The following PIK3C2G variants were observed in gnomAD, a reference collection of about 807,000 sequenced individuals.
The protein encoded by PIK3C2G is phosphatidylinositol 3-kinase C2 domain-containing subunit gamma.
A neutral mutation model predicts 181.1 loss-of-function variants in PIK3C2G; 168 were observed. The ratio of observed to expected loss-of-function variants is 0.93; its 90% confidence interval spans 0.82 to 1.05. The LOEUF is 1.05. Ranked by LOEUF, PIK3C2G falls within the 50% of genes least tolerant of loss-of-function variation. PIK3C2G has a pLI of 0.00. For missense variants in PIK3C2G, 1,869 were observed against 1,732.8 expected, an observed-to-expected ratio of 1.08 and a Z score of -1.40; for synonymous variants, 573 against 592.2, an observed-to-expected ratio of 0.97 and a Z score of 0.47.
At chr12:18,444,496 T>C (rs2135847731) in intron 18 of PIK3C2G, among the ~76,000 whole-genome samples, 1 of 152,296 alleles carries the variant, frequency 6.6e-6, no homozygotes, top group Non-Finnish European at 1.5e-5. Flanking sequence ...AATGGTGGTT[T>C]TGACCTTTCC....
chr12:18,631,596 G>C (rs1949354016), intron 31 of PIK3C2G, among the ~76,000 whole-genome samples: 1 of 152,090 alleles, frequency 6.6e-6, no homozygotes, highest in African/African-American at 2.4e-5. Context: ...AATGAATGAA[G>C]GAAAAGGGTG....
intron 24 of PIK3C2G, among the ~76,000 whole-genome samples, chr12:18,518,817 G>T (rs753792020): frequency 6.6e-6 from 1 of 152,210 alleles, no homozygotes; most frequent in South Asian, 2.1e-4. Flanking sequence ...TAATTTAATT[G>T]TGATGTTAGA....
intron 8 of PIK3C2G, 104 bp downstream of exon 8, chr12:18,325,202 A>AC: frequency 5.1e-6 from 3 of 587,462 alleles, no homozygotes; most frequent in Admixed American, 3.3e-5. Flanking sequence ...AAATGAATAA[A>AC]ACAGAGGATC....
intron 20 of PIK3C2G, among the ~76,000 whole-genome samples, chr12:18,494,283 C>A (rs1426736028): frequency 6.6e-6 from 1 of 151,974 alleles, no homozygotes; most frequent in Non-Finnish European, 1.5e-5. Flanking sequence ...AATCTATGGC[C>A]CTCAAAATCT....
intron 15 of PIK3C2G, among the ~76,000 whole-genome samples, chr12:18,397,711 T>C (rs1408152164): frequency 6.6e-6 from 1 of 152,120 alleles, no homozygotes; most frequent in African/African-American, 2.4e-5. Context: ...GAAAACAGTT[T>C]CACAATTTCT....
the PIK3C2G span, among the ~76,000 whole-genome samples, chr12:18,702,076 A>C: frequency 6.6e-6 from 1 of 152,266 alleles, no homozygotes; most frequent in Non-Finnish European, 1.5e-5. Flanking sequence ...TGAAAAGTAT[A>C]TATATATAAA....
intron 24 of PIK3C2G, among the ~76,000 whole-genome samples, chr12:18,520,902 G>C (rs184640917): frequency 6.6e-6 from 1 of 152,238 alleles, no homozygotes; most frequent in African/African-American, 2.4e-5. Context: ...CTTTGAGTCT[G>C]CTGACCCTTG....
chr12:18,340,061 G>T (rs551112262), intron 9 of PIK3C2G, among the ~76,000 whole-genome samples: 65 of 152,140 alleles, frequency 4.3e-4, no homozygotes, highest in African/African-American at 1.4e-3. Flanking sequence ...CTCCAAAACT[G>T]TTTTTATATG....
chr12:18,557,194 T>C (rs1945057050), intron 26 of PIK3C2G, among the ~76,000 whole-genome samples: 1 of 151,966 alleles, frequency 6.6e-6, no homozygotes, highest in African/African-American at 2.4e-5. Flanking sequence ...TTATTAATGG[T>C]GGGGAAAAGA....
intron 18 of PIK3C2G, among the ~76,000 whole-genome samples, chr12:18,455,388 A>G (rs377463907): frequency 4.6e-5 from 7 of 151,962 alleles, no homozygotes; most frequent in East Asian, 1.9e-4. Context: ...GTCAAGAATG[A>G]CTCTCATGTA....
At chr12:18,524,683 A>T (rs1240710171) in intron 24 of PIK3C2G, among the ~76,000 whole-genome samples, 1 of 151,560 alleles carries the variant, frequency 6.6e-6, no homozygotes, top group Non-Finnish European at 1.5e-5. Flanking sequence ...CTCCTGCCTC[A>T]GCCTCCTGAG....
At chr12:18,381,923 T>C in intron 14 of PIK3C2G, 43 bp downstream of exon 14, 1 of 1,135,060 alleles carries the variant, frequency 8.8e-7, no homozygotes. Flanking sequence ...TGGCAAGTAT[T>C]GGTTGATACG....
intron 31 of PIK3C2G, among the ~76,000 whole-genome samples, chr12:18,610,361 A>T (rs1443956801): frequency 6.6e-6 from 1 of 152,148 alleles, no homozygotes; most frequent in East Asian, 1.9e-4. Flanking sequence ...CTTTGTGCAC[A>T]TAAATCTCTG....
intron 13 of PIK3C2G, among the ~76,000 whole-genome samples, chr12:18,374,602 T>C (rs1444226870): frequency 6.6e-6 from 1 of 152,192 alleles, no homozygotes; most frequent in Non-Finnish European, 1.5e-5. Context: ...TTCCTGCTCT[T>C]AGGTGCCATG....
intron 1 of PIK3C2G, among the ~76,000 whole-genome samples, chr12:18,266,138 A>G (rs1948489673): frequency 6.6e-6 from 1 of 151,342 alleles, no homozygotes. Context: ...TACAGGGCCC[A>G]TTCTGTTTGC....
the PIK3C2G span, among the ~76,000 whole-genome samples, chr12:18,716,269 A>G: frequency 1.4e-4 from 22 of 152,282 alleles, no homozygotes; most frequent in African/African-American, 4.1e-4. Flanking sequence ...ACCACCAAGA[A>G]CTATATTGTG....
chr12:18,258,614 C>CT (rs758278276), upstream of PIK3C2G, among the ~76,000 whole-genome samples: 841 of 138,158 alleles, frequency 6.1e-3, no homozygotes, highest in Middle Eastern at 0.015. Flanking sequence ...TCAGGATTTC[C>CT]TTTTTTTTTT....
intron 26 of PIK3C2G, among the ~76,000 whole-genome samples, chr12:18,556,810 C>A (rs548795942): frequency 7.2e-4 from 109 of 152,162 alleles, no homozygotes; most frequent in African/African-American, 2.6e-3. Context: ...ATGGTGAACA[C>A]TGGGATGAAT....
intron 29 of PIK3C2G, among the ~76,000 whole-genome samples, chr12:18,574,895 T>C (rs1018688530): frequency 1.3e-5 from 2 of 152,142 alleles, no homozygotes; most frequent in Admixed American, 6.6e-5. Flanking sequence ...TGCTATATAA[T>C]AGATTGAATC....
Sources: gnomAD v4.1 joint callset for allele counts (sites outside exome capture counted in the v4.1 genomes callset) on GRCh38, gnomAD v4.1.1 for gene constraint, MANE v1.5 for transcripts, NCBI Gene and HGNC (gene_info 2026-07-23, HGNC 2026-07-21) for gene names.